STOML3: variants seen among roughly 807,000 people sequenced by gnomAD.
STOML3 encodes the protein stomatin like 3.
Under a neutral mutation model 29.5 loss-of-function variants are expected in STOML3, and 31 were observed. The ratio of observed to expected loss-of-function variants is 1.05; its 90% confidence interval spans 0.79 to 1.42. The LOEUF (loss-of-function observed/expected upper bound fraction) is 1.42, where lower values mean the gene tolerates loss of function less well. Among genes scored for constraint, STOML3 ranks in the 40% most tolerant of loss-of-function variants. The pLI, the probability that STOML3 is intolerant of heterozygous loss-of-function variation, is 0.00. For synonymous variants in STOML3, 122 were observed against 139.8 expected (o/e 0.87, Z 0.90); for missense variants, 380 against 363.0 (o/e 1.05, Z -0.38).
intron 1 of STOML3, among the ~76,000 whole-genome samples, chr13:38,990,065 T>C (rs1309871544): frequency 6.6e-6 from 1 of 152,172 alleles, no homozygotes; most frequent in Non-Finnish European, 1.5e-5. Flanking sequence ...TTGAAAGAGA[T>C]AATGCAAGCA....
chr13:38,985,833 A>G (rs1868490528), intron 1 of STOML3, among the ~76,000 whole-genome samples: 1 of 150,976 alleles, frequency 6.6e-6, no homozygotes. Flanking sequence ...AAGTATATAT[A>G]TAGAATAGAA....
intron 1 of STOML3, among the ~76,000 whole-genome samples, chr13:38,985,014 T>C (rs1868452619): frequency 6.6e-6 from 1 of 152,184 alleles, no homozygotes; most frequent in Admixed American, 6.5e-5. Context: ...AAATCATGGT[T>C]CATCAGACAA....
intron 1 of STOML3, among the ~76,000 whole-genome samples, chr13:38,986,654 T>C (rs992820027): frequency 3.3e-5 from 5 of 152,182 alleles, no homozygotes; most frequent in Non-Finnish European, 5.9e-5. Flanking sequence ...GGGGTAAACA[T>C]TATCTTTTCA....
In STOML3 at chr13:38,966,859, T is replaced by C. The variant is rs1270735213; in HGVS notation, c.842A>G (p.Tyr281Cys). The part of the protein sequence containing the change: ...NILEGIGGVS[Y>C]DNHKKLPNKA Reference sequence around the variant, plus strand: ...ATTTGGAAGCTTCTTGTGGTTATCATAGCTGACGCCACCAATGCCCTCTAG... The same window carrying C: ...ATTTGGAAGCTTCTTGTGGTTATCACAGCTGACGCCACCAATGCCCTCTAG... Residue 281 changes from tyrosine to cysteine, a missense_variant, in exon 7 of 7, where the codon TAT becomes TGT. By Grantham distance (194) the Tyr-to-Cys change is radical. Coordinates refer to ENST00000379631, the MANE Select transcript of STOML3 (RefSeq NM_145286.3). 10 of 1,613,718 alleles carry C rather than the reference T, an allele frequency of 6.2e-6. No homozygotes were observed. Among genetic ancestry groups the C allele is most frequent in the Non-Finnish European group, 7.6e-6 (9 of 1,180,010 alleles).
chr13:38,982,191 C>T (rs954812829), intron 1 of STOML3, among the ~76,000 whole-genome samples: 11 of 151,964 alleles, frequency 7.2e-5, no homozygotes, highest in Non-Finnish European at 1.5e-4. Flanking sequence ...TTTAGACGGG[C>T]TTCTTCCTGA....
chr13:38,975,402 AAT>A (rs977676108), intron 3 of STOML3, among the ~76,000 whole-genome samples: 2 of 152,094 alleles, frequency 1.3e-5, no homozygotes, highest in Non-Finnish European at 2.9e-5. Context: ...AGTTTCCCAT[AAT>A]TTTTTTATAT....
chr13:38,970,399 A>G lies in STOML3; in HGVS notation c.313-11T>C. 1 of 1,610,754 alleles carries G rather than the reference A, an allele frequency of 6.2e-7. No homozygotes were observed. Among genetic ancestry groups the G allele is most frequent in the Non-Finnish European group, 8.5e-7 (1 of 1,177,210 alleles). On this transcript the variant is annotated splice_polypyrimidine_tract_variant and intron_variant, in intron 4 of 6. Transcript: ENST00000379631. ...GTCTCTGGTGAGGATCTGTGGAGTA[A>G]GAACAGGGCAAAATCACTTATTTAT...
intron 1 of STOML3, among the ~76,000 whole-genome samples, chr13:38,988,289 ATTTTATATCATATATT>A (rs1868747396): frequency 1.2e-5 from 1 of 84,842 alleles, no homozygotes; most frequent in African/African-American, 6.2e-5. Flanking sequence ...AATATATTAT[ATTTTATATCATATATT>A]TTATATATAA....
In STOML3 at chr13:38,976,941, G is replaced by A. The variant is rs1881102897; in HGVS notation, c.53-144C>T. On this transcript the variant is annotated intron_variant, in intron 1 of 6. Coordinates refer to ENST00000379631, the MANE Select transcript of STOML3 (RefSeq NM_145286.3). Reference sequence around the variant, plus strand: ...ACCTAAATCCATTTACACCATGGATGTAGTCACACACACGTACATACATTC... The same window carrying A: ...ACCTAAATCCATTTACACCATGGATATAGTCACACACACGTACATACATTC... The A allele has an allele frequency of 4.5e-6, 3 of 667,456 alleles. No individual in the cohort carries two copies. In the Admixed American group the frequency reaches 7.3e-5, roughly 16 times the overall value. 41.3% of individuals were successfully genotyped at this position (667,456 alleles called of 1,614,324 possible).
intron 5 of STOML3, among the ~76,000 whole-genome samples, chr13:38,969,110 T>C (rs1402270868): frequency 6.6e-6 from 1 of 152,228 alleles, no homozygotes; most frequent in African/African-American, 2.4e-5. Flanking sequence ...TTTTGAGATA[T>C]TATTTATCTC....
At chr13:38,968,893 A>G (rs1283971768) in intron 5 of STOML3, among the ~76,000 whole-genome samples, 1 of 152,108 alleles carries the variant, frequency 6.6e-6, no homozygotes, top group African/African-American at 2.4e-5. Context: ...GCAGCAATGA[A>G]CGGGTTTCTC....
intron 1 of STOML3, among the ~76,000 whole-genome samples, chr13:38,982,881 C>G (rs1881315715): frequency 6.6e-6 from 1 of 152,100 alleles, no homozygotes; most frequent in South Asian, 2.1e-4. Flanking sequence ...CCACCTGGCA[C>G]AAATGCACAT....
chr13:38,975,107 A>C (rs1187960583), intron 3 of STOML3, among the ~76,000 whole-genome samples: 1 of 152,082 alleles, frequency 6.6e-6, no homozygotes, highest in Non-Finnish European at 1.5e-5. Context: ...AGACGGGCGG[A>C]TCACCTGAGG....
intron 1 of STOML3, chr13:38,980,022 A>C: frequency 1.3e-6 from 2 of 1,545,868 alleles, no homozygotes; most frequent in Non-Finnish European, 1.8e-6. Context: ...TGCACAAGCA[A>C]GTGTTTGTCA....
intron 3 of STOML3, among the ~76,000 whole-genome samples, chr13:38,973,096 TAAAAAAAAAAAAAAA>T (rs71074495): frequency 1.6e-3 from 52 of 32,572 alleles, no homozygotes; most frequent in African/African-American, 6.3e-3. Flanking sequence ...CCGTCTCTAC[TAAAAAAAAAAAAAAA>T]AAAAAAAAAA....
At chr13:38,971,768 T>C (rs547694062) in intron 4 of STOML3, among the ~76,000 whole-genome samples, 29 of 152,022 alleles carry the variant, frequency 1.9e-4, no homozygotes, top group Middle Eastern at 3.4e-3. Flanking sequence ...CCACTAAAAA[T>C]ACAAAAATTA....
intron 1 of STOML3, chr13:38,980,269 CTG>C: frequency 1.3e-6 from 1 of 767,788 alleles, no homozygotes; most frequent in African/African-American, 1.7e-5. Context: ...TAAAGTGGGG[CTG>C]TGAGTGCTGC....
chr13:38,985,377 C>T (rs915566698), intron 1 of STOML3, among the ~76,000 whole-genome samples: 1 of 152,042 alleles, frequency 6.6e-6, no homozygotes, highest in Non-Finnish European at 1.5e-5. Flanking sequence ...GAGCCGAGAT[C>T]GCGCTACTGC....
intron 1 of STOML3, among the ~76,000 whole-genome samples, chr13:38,982,025 A>C (rs1249602631): frequency 2.6e-5 from 4 of 152,204 alleles, no homozygotes; most frequent in Non-Finnish European, 4.4e-5. Context: ...CATCAACAGT[A>C]GAATGGATAA....
Sources: gnomAD v4.1 joint callset for allele counts (sites outside exome capture counted in the v4.1 genomes callset) on GRCh38, gnomAD v4.1.1 for gene constraint, MANE v1.5 for transcripts, NCBI Gene and HGNC (gene_info 2026-07-23, HGNC 2026-07-21) for gene names.